Variants in GABBR2 observed in about 807,000 individuals in gnomAD.
GABBR2 encodes gamma-aminobutyric acid type B receptor subunit 2, also known as G-protein coupled receptor 51.
GABBR2 carries 23 observed loss-of-function variants against 105.6 expected under a neutral mutation model. The observed-to-expected ratio is 0.22, with a 90% CI of 0.16 to 0.31. GABBR2 has a LOEUF of 0.31. Ranked by LOEUF, GABBR2 falls within the 10% of genes least tolerant of loss-of-function variation. GABBR2 has a pLI of 1.00. For missense variants in GABBR2, 734 were observed against 1,245.5 expected (o/e 0.59, Z 6.18); for synonymous variants, 478 against 499.7 (o/e 0.96, Z 0.58).
intron 2 of GABBR2, among the ~76,000 whole-genome samples, chr9:98,556,271 C>G (rs1224399212): frequency 6.6e-6 from 1 of 152,174 alleles, no homozygotes; most frequent in East Asian, 1.9e-4. Flanking sequence ...TGCCCGCTGA[C>G]ACTCAGAGGA....
At chr9:98,380,985 G>A (rs1831965445) in intron 11 of GABBR2, among the ~76,000 whole-genome samples, 1 of 152,250 alleles carries the variant, frequency 6.6e-6, no homozygotes, top group Admixed American at 6.5e-5. Context: ...GACTTCGGCT[G>A]CGCCATGTCT....
At chr9:98,659,426 G>T (rs987719183) in intron 1 of GABBR2, among the ~76,000 whole-genome samples, 7 of 151,092 alleles carry the variant, frequency 4.6e-5, no homozygotes. Context: ...TAAAGGTCCA[G>T]ATAGTAAATA....
chr9:98,367,195 G>A (rs1405571614), intron 12 of GABBR2, among the ~76,000 whole-genome samples: 2 of 150,730 alleles, frequency 1.3e-5, no homozygotes, highest in East Asian at 3.9e-4. Flanking sequence ...GGATGAGGGA[G>A]GAGGGGTGGG....
chr9:98,691,220 TC>T, intron 1 of GABBR2, among the ~76,000 whole-genome samples: 1 of 152,192 alleles, frequency 6.6e-6, no homozygotes, highest in Non-Finnish European at 1.5e-5. Flanking sequence ...TTATCAGGCA[TC>T]CGTGGAGTGC....
intron 13 of GABBR2, among the ~76,000 whole-genome samples, chr9:98,354,503 T>A (rs767534159): frequency 4.6e-5 from 7 of 152,264 alleles, no homozygotes; most frequent in Non-Finnish European, 8.8e-5. Context: ...TCATCAAAGA[T>A]CTTAGCTATA....
chr9:98,295,558 A>T (rs1830367086), intron 17 of GABBR2, among the ~76,000 whole-genome samples: 1 of 151,942 alleles, frequency 6.6e-6, no homozygotes, highest in African/African-American at 2.4e-5. Flanking sequence ...ACGGAGTCTC[A>T]CTCTGTCTCC....
At chr9:98,567,649 A>G (rs1187675755) in intron 2 of GABBR2, among the ~76,000 whole-genome samples, 1 of 152,188 alleles carries the variant, frequency 6.6e-6, no homozygotes, top group Non-Finnish European at 1.5e-5. Context: ...AAGTGCTCCC[A>G]CATGCTCCAG....
intron 13 of GABBR2, among the ~76,000 whole-genome samples, chr9:98,333,976 G>C (rs1831071828): frequency 6.6e-6 from 1 of 152,342 alleles, no homozygotes; most frequent in East Asian, 1.9e-4. Flanking sequence ...GACTGAATGA[G>C]TTGATAAAGC....
At chr9:98,448,019 G>C (rs1188711358) in intron 7 of GABBR2, among the ~76,000 whole-genome samples, 1 of 152,078 alleles carries the variant, frequency 6.6e-6, no homozygotes, top group Non-Finnish European at 1.5e-5. Context: ...AGACCAATTA[G>C]AAGATAACAG....
At chr9:98,635,433 G>C (rs148014453) in intron 1 of GABBR2, among the ~76,000 whole-genome samples, 4 of 152,334 alleles carry the variant, frequency 2.6e-5, no homozygotes, top group African/African-American at 9.6e-5. Flanking sequence ...GAGGGCTAGA[G>C]AGGAATGGAG....
rs553371876 is a variant in GABBR2, at chr9:98,289,955, T to C, written c.*629A>G. 3.3e-5 allele frequency: 5 copies of C among 152,534 alleles called. No homozygotes were observed. Among genetic ancestry groups the C allele is most frequent in the African/African-American group, 1.2e-4 (5 of 41,592 alleles). The allele number at this position is 152,534 out of a possible 1,614,324, so 9.4% of individuals were successfully genotyped here. On this transcript the variant is annotated 3_prime_UTR_variant, in exon 19 of 19. Transcript: ENST00000259455. Reference sequence around the variant, plus strand: ...ATCTCATTGGGTGACACAGGTCCCATGTGGAGCATGTAAGTCAGCCTGCTC... The same window carrying C: ...ATCTCATTGGGTGACACAGGTCCCACGTGGAGCATGTAAGTCAGCCTGCTC...
intron 4 of GABBR2, among the ~76,000 whole-genome samples, chr9:98,486,580 C>T (rs1014924379): frequency 6.6e-6 from 1 of 152,150 alleles, no homozygotes; most frequent in African/African-American, 2.4e-5. Flanking sequence ...CTGTCTAGGT[C>T]CACTCAATGG....
At chr9:98,538,518 A>G (rs1169739484) in intron 3 of GABBR2, 4 of 721,526 alleles carry the variant, frequency 5.5e-6, no homozygotes, top group Non-Finnish European at 5.1e-6. Context: ...CCAAGTCCTG[A>G]GCAGCCTCTG....
intron 2 of GABBR2, among the ~76,000 whole-genome samples, chr9:98,574,319 A>G (rs1470042597): frequency 6.6e-6 from 1 of 152,254 alleles, no homozygotes; most frequent in Non-Finnish European, 1.5e-5. Context: ...TCCAAAGCTA[A>G]GTCCCAAAAG....
intron 1 of GABBR2, among the ~76,000 whole-genome samples, chr9:98,679,675 G>A (rs1830516732): frequency 6.6e-6 from 1 of 152,150 alleles, no homozygotes; most frequent in Non-Finnish European, 1.5e-5. Flanking sequence ...CCTGGAGCAG[G>A]TCATAAAACC....
chr9:98,640,145 T>TATATATAA (rs1418562080), intron 1 of GABBR2, among the ~76,000 whole-genome samples: 9 of 145,192 alleles, frequency 6.2e-5, no homozygotes, highest in Admixed American at 6.9e-5. Context: ...TATATATATA[T>TATATATAA]AAACAATCTG....
Position 98,708,707 on chromosome 9 carries a change from C to T in GABBR2, c.31G>A (p.Gly11Arg). The change falls in exon 1 of 19, where the codon GGG (glycine) becomes AGG (arginine). Residue 11 changes from glycine (G) to arginine (R), a missense_variant. Physicochemically the swap from Gly to Arg is moderately radical, Grantham distance 125. Transcript: ENST00000259455. ...GGCGGTGGCGGCGGCGGCGGCGGCC[C>T]GGGCTGCCCGGAGCTCCGCGGGGAA... MASPRSSGQP[G>R]PPPPPPPPPA... The T allele has an allele frequency of 2.0e-6, 2 of 1,000,224 alleles. No homozygotes were observed. The highest frequency in any genetic ancestry group is 2.4e-6 in the Non-Finnish European group (2 of 843,008). 62.0% of individuals were successfully genotyped at this position (1,000,224 alleles called of 1,614,324 possible).
At chr9:98,708,381 C>G in intron 1 of GABBR2, 36 bp downstream of exon 1, 3 of 1,340,434 alleles carry the variant, frequency 2.2e-6, no homozygotes, top group Non-Finnish European at 2.9e-6. Flanking sequence ...CCAATGCCCC[C>G]CGAAGCCCCG....
At chr9:98,696,437 G>A (rs1166540359) in intron 1 of GABBR2, among the ~76,000 whole-genome samples, 4 of 152,208 alleles carry the variant, frequency 2.6e-5, no homozygotes, top group African/African-American at 7.2e-5. Context: ...AGTCCCTGCA[G>A]GGTATCAAGC....
Sources: allele counts gnomAD v4.1 joint callset (sites outside exome capture counted in the v4.1 genomes callset), GRCh38; gene constraint gnomAD v4.1.1; transcripts MANE v1.5; gene names NCBI Gene and HGNC (gene_info 2026-07-23, HGNC 2026-07-21).